ERC1: variants seen among roughly 807,000 people sequenced by gnomAD.
ERC1 encodes the protein RAB6 interacting protein 2.
ERC1 carries 56 observed loss-of-function variants against 132.0 expected under a neutral mutation model. The ratio of observed to expected loss-of-function variants is 0.42; its 90% CI spans 0.34 to 0.53. The LOEUF (loss-of-function observed/expected upper bound fraction) is 0.53, where lower values mean the gene tolerates loss of function less well. Ranked by LOEUF, ERC1 falls within the 20% of genes least tolerant of loss-of-function variation. ERC1 has a pLI of 0.03. For missense variants in ERC1, 1,202 were observed against 1,349.9 expected (o/e 0.89, Z 1.72); for synonymous variants, 478 against 476.1 (o/e 1.00, Z -0.05).
intron 3 of ERC1, among the ~76,000 whole-genome samples, chr12:1,097,866 C>T (rs118082632): frequency 0.014 from 2,172 of 152,158 alleles, 33 homozygotes; most frequent in Non-Finnish European, 0.022. Flanking sequence ...AGGTGCCCCC[C>T]ACCATGCTCA....
At position 1,321,325 on chromosome 12, in the gene ERC1, CGTGT is replaced by C. The variant is rs144780111; in HGVS notation, c.2780+31328_2780+31331del. 8.1e-4 allele frequency among the ~76,000 whole-genome samples: 121 copies of C among 148,778 alleles called. 1 individual carries two copies. Among genetic ancestry groups the C allele is most frequent in the African/African-American group, 3.0e-3 (121 of 40,536 alleles). Reference sequence around the variant, plus strand: ...GTGACACTGTGGCCAGCATATGATACGTGTGTGTGTGTGTGTGTATATTTTGCTC... The same window carrying C: ...GTGACACTGTGGCCAGCATATGATACGTGTGTGTGTGTGTATATTTTGCTC... On this transcript the variant is annotated intron_variant, in intron 15 of 18. Transcript: ENST00000360905.
At chr12:1,164,867 T>G (rs1952247252) in intron 8 of ERC1, among the ~76,000 whole-genome samples, 1 of 152,214 alleles carries the variant, frequency 6.6e-6, no homozygotes, top group African/African-American at 2.4e-5. Flanking sequence ...CTTACTCCCT[T>G]TTCTGTTGTC....
intron 13 of ERC1, among the ~76,000 whole-genome samples, chr12:1,237,853 A>G (rs142870439): frequency 2.6e-4 from 40 of 152,198 alleles, no homozygotes; most frequent in African/African-American, 9.4e-4. Flanking sequence ...CTAGTTAACA[A>G]TTTCTAATTG....
chr12:1,429,954 C>A (rs1401631122), intron 17 of ERC1, among the ~76,000 whole-genome samples: 1 of 152,218 alleles, frequency 6.6e-6, no homozygotes, highest in Non-Finnish European at 1.5e-5. Flanking sequence ...ATTTTCATCT[C>A]AGTGGTTTCT....
chr12:1,476,750 C>A (rs988364028), intron 18 of ERC1, among the ~76,000 whole-genome samples: 7 of 152,054 alleles, frequency 4.6e-5, no homozygotes, highest in African/African-American at 1.7e-4. Flanking sequence ...CAGGTCTATA[C>A]CCTTTGACTC....
rs57458560 is a variant in ERC1 at position 1,296,401 on chromosome 12, C to CTTTTTTT, written c.2780+6412_2780+6418dup. Among the ~76,000 whole-genome samples, 138 of 76,236 alleles carry CTTTTTTT rather than the reference C, an allele frequency of 1.8e-3. 24 individuals are homozygous for CTTTTTTT. Among genetic ancestry groups the CTTTTTTT allele is most frequent in the South Asian group, 4.4e-3 (8 of 1,816 alleles). The allele number at this position is 76,236 out of a possible 152,430, so 50.0% of individuals were successfully genotyped here. On this transcript the variant is annotated intron_variant, in intron 15 of 18. Transcript: ENST00000360905. ...AGAAATGAAACATTTATTGGATAGTCTTTTTTTTTTTTTTTTTTTTTTTTT... is the reference window on the plus strand; with the variant it reads ...AGAAATGAAACATTTATTGGATAGTCTTTTTTTTTTTTTTTTTTTTTTTTTTTTTTTT...
intron 3 of ERC1, among the ~76,000 whole-genome samples, chr12:1,094,125 T>A (rs1943698073): frequency 6.7e-6 from 1 of 149,244 alleles, no homozygotes; most frequent in Non-Finnish European, 1.5e-5. Flanking sequence ...TTCAAGCAAT[T>A]CTTCTGCCTC....
intron 15 of ERC1, among the ~76,000 whole-genome samples, chr12:1,314,250 G>C (rs1479273886): frequency 6.6e-6 from 1 of 152,036 alleles, no homozygotes; most frequent in Non-Finnish European, 1.5e-5. Context: ...GATCATAATA[G>C]AAAAGTAGGC....
At chr12:1,005,732 A>G (rs1311725507) in intron 1 of ERC1, among the ~76,000 whole-genome samples, 1 of 152,088 alleles carries the variant, frequency 6.6e-6, no homozygotes, top group Non-Finnish European at 1.5e-5. Flanking sequence ...TTAATTGAAA[A>G]TGGGCATAAA....
chr12:1,097,715 A>ATT (rs544266211), intron 3 of ERC1, among the ~76,000 whole-genome samples: 200 of 137,484 alleles, frequency 1.5e-3, no homozygotes, highest in African/African-American at 4.8e-3. Flanking sequence ...TTAATTTTTA[A>ATT]TTTTTTTTTT....
chr12:1,264,557 G>T (rs1312939234), intron 14 of ERC1, among the ~76,000 whole-genome samples: 2 of 152,042 alleles, frequency 1.3e-5, no homozygotes, highest in African/African-American at 4.8e-5. Context: ...CCAGCTACTC[G>T]GGAGGCTGAG....
chr12:1,256,127 A>G (rs906603403), intron 13 of ERC1, among the ~76,000 whole-genome samples: 10 of 152,034 alleles, frequency 6.6e-5, no homozygotes, highest in Admixed American at 6.6e-4. Context: ...AGTTCTTTGT[A>G]GATTCTGGAT....
intron 12 of ERC1, among the ~76,000 whole-genome samples, chr12:1,213,770 G>A (rs1223965013): frequency 6.6e-6 from 1 of 151,298 alleles, no homozygotes; most frequent in Non-Finnish European, 1.5e-5. Flanking sequence ...CACGCATGGT[G>A]GTGCATGCCT....
intron 15 of ERC1, among the ~76,000 whole-genome samples, chr12:1,318,670 G>A (rs187335657): frequency 3.4e-4 from 52 of 152,310 alleles, no homozygotes; most frequent in Middle Eastern, 3.4e-3. Flanking sequence ...TTTGTAGTGC[G>A]TAGGAAAATC....
chr12:1,167,803 G>A (rs767878093), intron 8 of ERC1, among the ~76,000 whole-genome samples: 18 of 148,826 alleles, frequency 1.2e-4, no homozygotes, highest in East Asian at 6.0e-4. Context: ...TGCAACCTCC[G>A]CCTCCTGGGT....
intron 12 of ERC1, among the ~76,000 whole-genome samples, chr12:1,204,326 G>A (rs1957168411): frequency 6.6e-6 from 1 of 151,812 alleles, no homozygotes; most frequent in African/African-American, 2.4e-5. Context: ...AATTTGTTGA[G>A]AGTTGAAAAT....
intron 7 of ERC1, among the ~76,000 whole-genome samples, chr12:1,133,435 C>G (rs1948966015): frequency 6.6e-6 from 1 of 152,140 alleles, no homozygotes; most frequent in African/African-American, 2.4e-5. Flanking sequence ...CCAAACCTGA[C>G]ACTGTCAAAT....
intron 1 of ERC1, among the ~76,000 whole-genome samples, chr12:1,014,458 G>A (rs1292451313): frequency 6.6e-6 from 1 of 152,042 alleles, no homozygotes; most frequent in African/African-American, 2.4e-5. Flanking sequence ...TTACAGGCCT[G>A]AGCCACCACA....
chr12:1,015,537 G>A (rs1049827193), intron 1 of ERC1, among the ~76,000 whole-genome samples: 1 of 152,112 alleles, frequency 6.6e-6, no homozygotes, highest in Non-Finnish European at 1.5e-5. Context: ...TGCACATTAT[G>A]TCCTTGAACC....
Sources: gnomAD v4.1 joint callset for allele counts (sites outside exome capture counted in the v4.1 genomes callset) on GRCh38, gnomAD v4.1.1 for gene constraint, MANE v1.5 for transcripts, NCBI Gene and HGNC (gene_info 2026-07-23, HGNC 2026-07-21) for gene names.